MIS18A: variants seen among roughly 807,000 people sequenced by gnomAD.
The protein encoded by MIS18A is MIS18 kinetochore protein A.
A neutral mutation model predicts 25.0 loss-of-function variants in MIS18A; 14 were observed. That is an observed-to-expected ratio of 0.56 (90% CI 0.37 to 0.88). The LOEUF is 0.88. Among genes scored for constraint, MIS18A ranks in the 40% least tolerant of loss-of-function variants. MIS18A has a pLI of 0.00. For missense variants in MIS18A, 292 were observed against 290.8 expected (o/e 1.00, Z -0.03); for synonymous variants, 134 against 118.6 (o/e 1.13, Z -0.84).
chr21:32,157,511 T>C, the MIS18A span, among the ~76,000 whole-genome samples: 1,556 of 151,356 alleles, frequency 0.01, 32 homozygotes, highest in African/African-American at 0.036. Context: ...TTCAATTTAT[T>C]ATAGTAAAGT....
chr21:32,175,861 T>A, the MIS18A span, among the ~76,000 whole-genome samples: 20 of 26,756 alleles, frequency 7.5e-4, no homozygotes, highest in Admixed American at 6.6e-3. Flanking sequence ...TATACAAAAA[T>A]TTTTTTTCTT....
chr21:32,243,302 A>C, the MIS18A span, among the ~76,000 whole-genome samples: 29,548 of 152,128 alleles, frequency 0.19, 3,078 homozygotes, highest in East Asian at 0.24. Context: ...ATCAAGCTAC[A>C]GACTGGGAGA....
At chr21:32,178,236 T>TA in the MIS18A span, among the ~76,000 whole-genome samples, 3 of 152,116 alleles carry the variant, frequency 2.0e-5, no homozygotes, top group Admixed American at 2.0e-4. Context: ...AATTTTTTTT[T>TA]ATTCCTGGAA....
the MIS18A span, among the ~76,000 whole-genome samples, chr21:32,229,082 T>C: frequency 6.6e-6 from 1 of 152,236 alleles, no homozygotes; most frequent in East Asian, 1.9e-4. Flanking sequence ...TCCTCACTGA[T>C]TTGAAATACT....
chr21:32,263,761 A>G (rs1047378833), downstream of MIS18A, among the ~76,000 whole-genome samples: 2 of 151,892 alleles, frequency 1.3e-5, no homozygotes, highest in African/African-American at 2.4e-5. Flanking sequence ...TATAAAAGGA[A>G]TACACAGCAA....
At chr21:32,183,246 C>A in the MIS18A span, among the ~76,000 whole-genome samples, 2 of 152,156 alleles carry the variant, frequency 1.3e-5, no homozygotes, top group Admixed American at 1.3e-4. Context: ...ATTAACACTA[C>A]AACTGTTAAA....
At chr21:32,258,210 G>A in the MIS18A span, among the ~76,000 whole-genome samples, 2 of 152,116 alleles carry the variant, frequency 1.3e-5, no homozygotes, top group Non-Finnish European at 2.9e-5. Context: ...AACAGAAAAC[G>A]ACTGAAAGAG....
chr21:32,262,435 A>G, the MIS18A span, among the ~76,000 whole-genome samples: 1 of 152,154 alleles, frequency 6.6e-6, no homozygotes, highest in Non-Finnish European at 1.5e-5. Flanking sequence ...CAAAATTTCT[A>G]CTGTTCTCAA....
At chr21:32,266,014 A>G (rs1173559773), downstream of MIS18A, among the ~76,000 whole-genome samples, 2 of 152,148 alleles carry the variant, frequency 1.3e-5, no homozygotes, top group Non-Finnish European at 2.9e-5. Flanking sequence ...GAGTGCACCA[A>G]TCAACACTCT....
chr21:32,233,045 T>C, the MIS18A span, among the ~76,000 whole-genome samples: 1 of 152,234 alleles, frequency 6.6e-6, no homozygotes, highest in Non-Finnish European at 1.5e-5. Context: ...CTAAATTCAC[T>C]TAACCTCTAT....
chr21:32,274,259 T>C lies in MIS18A; in HGVS notation c.401+571A>G, dbSNP rs755696823. On this transcript the variant is annotated intron_variant, in intron 2 of 4. Transcript: ENST00000290130. ...TCTTTCTCTGTTGCCCAGGCTGCAG[T>C]GCACTGGCGATCTTGGCTCACTGCA... Among the ~76,000 whole-genome samples the C allele has an allele frequency of 6.1e-4, 84 of 138,438 alleles. 2 individuals carry two copies. The highest frequency in any genetic ancestry group is 2.2e-3 in the African/African-American group (80 of 35,970). 90.8% of individuals were successfully genotyped at this position (138,438 alleles called of 152,430 possible). A position where few individuals can be genotyped will look rare whatever the true frequency, so the allele number is the denominator to read the frequency against.
At position 32,270,500 on chromosome 21, in the gene MIS18A, C is replaced by A. The variant is rs1305531483; in HGVS notation, c.431G>T (p.Cys144Phe). Residue 144 changes from cysteine (C) to phenylalanine (F), a missense_variant, in exon 3 of 5, where the codon TGC (cysteine) becomes TTC (phenylalanine). Transcript: ENST00000290130. ...CVLETLCCAGCSLNLGYVYRC... is the reference protein window; with the variant it reads ...CVLETLCCAGFSLNLGYVYRC... ...GTACACGTAGCCAAGATTGAGTGAG[C>A]ACCCCGCGCAGCACAAAGTCTCAAG... 1 of 1,600,492 alleles carries A rather than the reference C, an allele frequency of 6.2e-7. No homozygotes were observed. Among genetic ancestry groups the A allele is most frequent in the Non-Finnish European group, 8.5e-7 (1 of 1,174,984 alleles).
At chr21:32,208,756 C>G in the MIS18A span, among the ~76,000 whole-genome samples, 1 of 152,210 alleles carries the variant, frequency 6.6e-6, no homozygotes, top group East Asian at 1.9e-4. Flanking sequence ...TTCTCTTTAA[C>G]TACTCAGCAT....
chr21:32,210,596 T>C, the MIS18A span, among the ~76,000 whole-genome samples: 1 of 152,180 alleles, frequency 6.6e-6, no homozygotes, highest in Non-Finnish European at 1.5e-5. Flanking sequence ...GACTTTATGA[T>C]GTCATGAGCA....
chr21:32,189,814 C>G, the MIS18A span, among the ~76,000 whole-genome samples: 1 of 152,196 alleles, frequency 6.6e-6, no homozygotes, highest in Non-Finnish European at 1.5e-5. Context: ...CTGCATCCAC[C>G]CTGTCACTGC....
the MIS18A span, among the ~76,000 whole-genome samples, chr21:32,248,379 T>C: frequency 6.6e-6 from 1 of 152,158 alleles, no homozygotes; most frequent in South Asian, 2.1e-4. Context: ...GCACTCAAGC[T>C]TCTTCCTCTC....
At chr21:32,220,132 G>A in the MIS18A span, among the ~76,000 whole-genome samples, 5 of 152,226 alleles carry the variant, frequency 3.3e-5, no homozygotes, top group Non-Finnish European at 4.4e-5. Context: ...TCTGCTAAGG[G>A]ACAGGCTGCC....
At chr21:32,250,177 CT>C in the MIS18A span, among the ~76,000 whole-genome samples, 9 of 151,412 alleles carry the variant, frequency 5.9e-5, no homozygotes, top group South Asian at 2.1e-4. Context: ...ATTCTTGCCC[CT>C]TTTTTTTTCC....
At chr21:32,164,011 G>C in the MIS18A span, among the ~76,000 whole-genome samples, 1 of 151,920 alleles carries the variant, frequency 6.6e-6, no homozygotes, top group Admixed American at 6.6e-5. Flanking sequence ...GAGAGGAGGT[G>C]CCAGGCTCTT....
Sources: gnomAD v4.1 joint callset for allele counts (sites outside exome capture counted in the v4.1 genomes callset) on GRCh38, gnomAD v4.1.1 for gene constraint, MANE v1.5 for transcripts, NCBI Gene and HGNC (gene_info 2026-07-23, HGNC 2026-07-21) for gene names.